The following C7orf78 variants were observed in gnomAD, a reference collection of about 807,000 sequenced individuals.
C7orf78 encodes putative uncharacterized protein C7orf78.
At chr7:12,496,426 G>A in the C7orf78 span, 2 of 152,176 alleles carry the variant, frequency 1.3e-5, no homozygotes, top group Admixed American at 6.5e-5. Flanking sequence ...TGTTGCTTAT[G>A]CTGTTCGTCC....
the C7orf78 span, among the ~76,000 whole-genome samples, chr7:12,501,240 G>T: frequency 6.9e-6 from 1 of 145,516 alleles, no homozygotes; most frequent in African/African-American, 2.6e-5. Flanking sequence ...GGGCAATTAG[G>T]CAGGAGAAGG....
At chr7:12,484,094 T>G in the C7orf78 span, 1 of 152,108 alleles carries the variant, frequency 6.6e-6, no homozygotes, top group African/African-American at 2.4e-5. Flanking sequence ...GAAAATAAGC[T>G]CTGAAAAAGG....
At chr7:12,518,267 G>A in the C7orf78 span, among the ~76,000 whole-genome samples, 294 of 152,326 alleles carry the variant, frequency 1.9e-3, 1 homozygote, top group African/African-American at 6.7e-3. Context: ...AGTAGGCTGA[G>A]TATACCTGTC....
the C7orf78 span, among the ~76,000 whole-genome samples, chr7:12,524,641 G>A: frequency 6.6e-5 from 10 of 152,070 alleles, no homozygotes; most frequent in South Asian, 1.0e-3. Context: ...TCAGGAGTTC[G>A]AGACCAGCCT....
chr7:12,524,827 T>TA, the C7orf78 span, among the ~76,000 whole-genome samples: 5 of 151,594 alleles, frequency 3.3e-5, no homozygotes, highest in African/African-American at 7.3e-5. Flanking sequence ...CAAAAAATAA[T>TA]AATAAATAAA....
At chr7:12,503,033 T>C in the C7orf78 span, among the ~76,000 whole-genome samples, 1 of 135,940 alleles carries the variant, frequency 7.4e-6, no homozygotes, top group Non-Finnish European at 1.5e-5. Context: ...AATTGAACAA[T>C]GAGATCACAT....
chr7:12,518,699 A>C, the C7orf78 span, among the ~76,000 whole-genome samples: 1 of 152,042 alleles, frequency 6.6e-6, no homozygotes, highest in Non-Finnish European at 1.5e-5. Flanking sequence ...GTGTGGTGCC[A>C]ATTTGGGAGT....
the C7orf78 span, among the ~76,000 whole-genome samples, chr7:12,523,681 T>C: frequency 2.6e-5 from 4 of 152,128 alleles, no homozygotes; most frequent in African/African-American, 4.8e-5. Flanking sequence ...AACTCTGAGA[T>C]AGGCTTTCTT....
the C7orf78 span, among the ~76,000 whole-genome samples, chr7:12,492,177 G>A: frequency 4.6e-5 from 7 of 151,914 alleles, no homozygotes; most frequent in Admixed American, 2.0e-4. Context: ...TTTTTTTCAC[G>A]ACTTATATGC....
the C7orf78 span, chr7:12,531,025 C>G: frequency 2.5e-6 from 1 of 398,290 alleles, no homozygotes; most frequent in African/African-American, 2.1e-5. Flanking sequence ...ACATAGAAGG[C>G]AGCGTGATGC....
the C7orf78 span, among the ~76,000 whole-genome samples, chr7:12,487,914 G>T: frequency 6.6e-6 from 1 of 151,908 alleles, no homozygotes; most frequent in South Asian, 2.1e-4. Flanking sequence ...GAAACACCAG[G>T]TCATAATATC....
the C7orf78 span, among the ~76,000 whole-genome samples, chr7:12,533,095 C>T: frequency 6.6e-6 from 1 of 152,124 alleles, no homozygotes; most frequent in Middle Eastern, 3.2e-3. Context: ...ATAGTGGGAG[C>T]TTCTCCTCTA....
the C7orf78 span, among the ~76,000 whole-genome samples, chr7:12,537,319 T>C: frequency 6.6e-6 from 1 of 152,184 alleles, no homozygotes; most frequent in African/African-American, 2.4e-5. Context: ...CCATCAGATC[T>C]CGTGAGACTC....
the C7orf78 span, among the ~76,000 whole-genome samples, chr7:12,525,327 T>TA: frequency 2.0e-5 from 3 of 152,060 alleles, no homozygotes; most frequent in African/African-American, 4.8e-5. Flanking sequence ...TAGTAGCTTA[T>TA]AAAAAAACAG....
chr7:12,496,934 T>C, the C7orf78 span, among the ~76,000 whole-genome samples: 1 of 147,046 alleles, frequency 6.8e-6, no homozygotes, highest in Non-Finnish European at 1.5e-5. Context: ...GGGAAAATAA[T>C]ACAGAAAAAA....
the C7orf78 span, among the ~76,000 whole-genome samples, chr7:12,508,060 G>T: frequency 6.6e-6 from 1 of 152,104 alleles, no homozygotes; most frequent in African/African-American, 2.4e-5. Flanking sequence ...ATAATGTGTG[G>T]TCTGTAAGCC....
At chr7:12,519,280 C>T in the C7orf78 span, among the ~76,000 whole-genome samples, 6 of 152,292 alleles carry the variant, frequency 3.9e-5, no homozygotes, top group East Asian at 9.7e-4. Context: ...GGCCACACTG[C>T]TAATGGGGAC....
At chr7:12,538,804 T>C in the C7orf78 span, among the ~76,000 whole-genome samples, 3 of 152,184 alleles carry the variant, frequency 2.0e-5, no homozygotes, top group Non-Finnish European at 4.4e-5. Flanking sequence ...TTCCCTCACG[T>C]TGCGAGCCAC....
chr7:12,536,433 C>G, the C7orf78 span, among the ~76,000 whole-genome samples: 1 of 152,094 alleles, frequency 6.6e-6, no homozygotes, highest in Admixed American at 6.5e-5. Flanking sequence ...GCACGGGGAC[C>G]CTGGTCCTGG....
Sources: allele counts gnomAD v4.1 joint callset (sites outside exome capture counted in the v4.1 genomes callset), GRCh38; gene constraint gnomAD v4.1.1; transcripts MANE v1.5; gene names NCBI Gene and HGNC (gene_info 2026-07-23, HGNC 2026-07-21).